The following TTC17 variants were observed in gnomAD, a reference collection of about 807,000 sequenced individuals.
TTC17 encodes the protein tetratricopeptide repeat domain 17.
In TTC17, 58 loss-of-function variants were observed where a neutral mutation model predicts 143.8. The observed-to-expected ratio is 0.40, with a 90% CI of 0.33 to 0.50. The LOEUF (loss-of-function observed/expected upper bound fraction) is 0.50. Among genes scored for constraint, TTC17 ranks in the 20% least tolerant of loss-of-function variants. The probability of loss-of-function intolerance (pLI) is 0.49; values close to 1 mark genes in which losing one functional copy is unlikely to be tolerated. For synonymous variants in TTC17, 501 were observed against 497.8 expected, an observed-to-expected ratio of 1.01 and a Z score of -0.09; for missense variants, 1,273 against 1,392.5, an observed-to-expected ratio of 0.91 and a Z score of 1.37.
At chr11:43,445,138 A>G (rs1281626061) in intron 18 of TTC17, among the ~76,000 whole-genome samples, 1 of 152,226 alleles carries the variant, frequency 6.6e-6, no homozygotes, top group East Asian at 1.9e-4. Flanking sequence ...ATAGTAAGTA[A>G]AGAAAAGCAA....
chr11:43,443,138 G>A lies in TTC17; in HGVS notation c.2252-187G>A, dbSNP rs190190258. On this transcript the variant is annotated intron_variant, in intron 16 of 23. Transcript: ENST00000039989. ...GTTCTCAGCCAGGCTTTTGGCAAAC[G>A]CTAGATGACAAAGTTGGTATTTTAT... Among the ~76,000 whole-genome samples the A allele has an allele frequency of 4.9e-4, 74 of 152,310 alleles. 1 individual carries two copies. In the South Asian group the frequency reaches 0.014, roughly 29 times the overall value.
At chr11:43,484,569 C>T (rs1018474287) in intron 21 of TTC17, among the ~76,000 whole-genome samples, 3 of 152,038 alleles carry the variant, frequency 2.0e-5, no homozygotes, top group African/African-American at 7.3e-5. Context: ...ATCAAAGTAC[C>T]AGCAGGGTTT....
chr11:43,398,153 T>C (rs1857697723), intron 8 of TTC17, 40 bp downstream of exon 8: 3 of 1,609,616 alleles, frequency 1.9e-6, no homozygotes, highest in African/African-American at 1.3e-5. Context: ...ATTAGCACTA[T>C]CGAACCTTAG....
intron 16 of TTC17, among the ~76,000 whole-genome samples, chr11:43,415,473 G>A (rs1035185738): frequency 6.6e-6 from 1 of 152,148 alleles, no homozygotes; most frequent in Non-Finnish European, 1.5e-5. Flanking sequence ...ATTGGGATGG[G>A]TGCAGTTTAC....
At position 43,493,904 on chromosome 11, in the gene TTC17, G is replaced by A. The variant is rs957626725; in HGVS notation, c.3426G>A (p.Ter1142=). The change falls in exon 24 of 24, where the codon TAG becomes TAA. Residue 1142 remains the stop codon, a stop_retained_variant. Transcript: ENST00000039989. ...LMLKKGRRSP[*] is the part of the protein sequence containing the mutation. ...TGAAGAAGGGACGGCGCTCTCCTTA[G>A]TGCACTTCTTCCTTCTCTCTTTCTC... The A allele has an allele frequency of 5.0e-6, 8 of 1,588,156 alleles. No individual in the cohort carries two copies. In the Admixed American group the frequency reaches 8.8e-5, roughly 18 times the overall value.
At chr11:43,434,484 T>G (rs936233057) in intron 16 of TTC17, among the ~76,000 whole-genome samples, 2 of 152,222 alleles carry the variant, frequency 1.3e-5, no homozygotes, top group Non-Finnish European at 2.9e-5. Context: ...CTTTTGACTT[T>G]AGGCAAGTTA....
At chr11:43,364,574 C>T (rs575545057) in intron 1 of TTC17, among the ~76,000 whole-genome samples, 1 of 152,302 alleles carries the variant, frequency 6.6e-6, no homozygotes, top group South Asian at 2.1e-4. Flanking sequence ...TGGTTATTCA[C>T]TAATTTGCTA....
chr11:43,367,970 T>C (rs369330638), intron 1 of TTC17, among the ~76,000 whole-genome samples: 15 of 152,200 alleles, frequency 9.9e-5, no homozygotes, highest in African/African-American at 3.1e-4. Flanking sequence ...AAAGAGTGGC[T>C]GACACATAGT....
chr11:43,485,074 T>C lies in TTC17; in HGVS notation c.3031-5165T>C, dbSNP rs115003014. Among the ~76,000 whole-genome samples the C allele has an allele frequency of 6.1e-3, 927 of 152,088 alleles. 13 individuals are homozygous for C. The highest frequency in any genetic ancestry group is 0.021 in the African/African-American group (874 of 41,438). Reference sequence around the variant, plus strand: ...TACATTATGGTGAGTTGTATAATTATTTCACAGTGTAATAATAATAGAAAT... The same window carrying C: ...TACATTATGGTGAGTTGTATAATTACTTCACAGTGTAATAATAATAGAAAT... On this transcript the variant is annotated intron_variant, in intron 21 of 23. Transcript: ENST00000039989.
intron 2 of TTC17, among the ~76,000 whole-genome samples, chr11:43,381,438 C>T (rs1856965055): frequency 6.6e-6 from 1 of 152,080 alleles, no homozygotes; most frequent in Admixed American, 6.6e-5. Context: ...AGGGAGCTGA[C>T]AGTATTCCAT....
At chr11:43,372,440 T>C (rs1478843489) in intron 1 of TTC17, among the ~76,000 whole-genome samples, 7 of 151,766 alleles carry the variant, frequency 4.6e-5, no homozygotes, top group African/African-American at 1.7e-4. Context: ...GTAGCTGGGA[T>C]TACAGGTACC....
intron 19 of TTC17, chr11:43,448,957 T>A (rs546652781): frequency 6.6e-6 from 1 of 152,424 alleles, no homozygotes; most frequent in Non-Finnish European, 1.5e-5. Flanking sequence ...TTCAGCCTGT[T>A]ACCAATTCTT....
chr11:43,444,397 C>A (rs1947492797), intron 18 of TTC17, 188 bp downstream of exon 18: 2 of 453,382 alleles, frequency 4.4e-6, no homozygotes, highest in Admixed American at 8.8e-5. Flanking sequence ...TATGGAAATG[C>A]AAATTCCAGT....
At chr11:43,398,939 A>G (rs2134560407) in intron 8 of TTC17, among the ~76,000 whole-genome samples, 1 of 152,334 alleles carries the variant, frequency 6.6e-6, no homozygotes, top group Non-Finnish European at 1.5e-5. Flanking sequence ...AGCTTTTTCC[A>G]GTATCATGCT....
chr11:43,382,170 T>G (rs760742638), intron 2 of TTC17, among the ~76,000 whole-genome samples: 61 of 152,220 alleles, frequency 4.0e-4, no homozygotes, highest in Non-Finnish European at 7.3e-4. Flanking sequence ...TACTGAAATT[T>G]TATATTCTTT....
chr11:43,381,433 G>T (rs1035134717), intron 2 of TTC17, among the ~76,000 whole-genome samples: 3 of 152,136 alleles, frequency 2.0e-5, no homozygotes, highest in African/African-American at 7.2e-5. Context: ...AGTTAAGGGA[G>T]CTGACAGTAT....
chr11:43,437,275 C>G (rs1947314296), intron 16 of TTC17, among the ~76,000 whole-genome samples: 1 of 152,148 alleles, frequency 6.6e-6, no homozygotes, highest in African/African-American at 2.4e-5. Context: ...ACCACTGTAT[C>G]CAGTCAGTCT....
chr11:43,398,009 T>C lies in TTC17; in HGVS notation c.954T>C (p.Tyr318=), dbSNP rs757514502. 16 of 1,613,352 alleles carry C rather than the reference T, an allele frequency of 9.9e-6. No individual in the cohort carries two copies. The East Asian group carries it at 1.1e-4, about 11-fold the overall frequency. The part of the protein sequence containing the change: ...LGEYNHSVLC[Y]DHALQARPGF... ...AATATAACCACTCAGTGCTCTGTTA[T>C]GACCACGCTTTGCAGGCCAGACCTG... is the stretch of plus-strand genomic sequence containing the variant. The change falls in exon 8 of 24, where the codon TAT becomes TAC. Residue 318 remains tyrosine (Y), a synonymous_variant. Transcript: ENST00000039989.
At chr11:43,392,760 C>T (rs72900921) in intron 5 of TTC17, among the ~76,000 whole-genome samples, 2 of 152,148 alleles carry the variant, frequency 1.3e-5, no homozygotes, top group African/African-American at 2.4e-5. Flanking sequence ...GAAAACTGGC[C>T]CAGGATTTTA....
Sources: allele counts gnomAD v4.1 joint callset (sites outside exome capture counted in the v4.1 genomes callset), GRCh38; gene constraint gnomAD v4.1.1; transcripts MANE v1.5; gene names NCBI Gene and HGNC (gene_info 2026-07-23, HGNC 2026-07-21).